Variants in CHN1 observed in about 807,000 individuals in gnomAD.
CHN1 encodes the protein chimerin 1.
CHN1 carries 37 observed loss-of-function variants against 59.5 expected under a neutral mutation model. The ratio of observed to expected loss-of-function variants is 0.62; its 90% confidence interval spans 0.48 to 0.82. The LOEUF is 0.82. Among genes scored for constraint, CHN1 ranks in the 40% least tolerant of loss-of-function variants. CHN1 has a pLI of 0.00. For synonymous variants in CHN1, 206 were observed against 200.4 expected, an observed-to-expected ratio of 1.03 and a Z score of -0.24; for missense variants, 469 against 571.0, an observed-to-expected ratio of 0.82 and a Z score of 1.82.
At chr2:174,887,894 T>C (rs1281921215) in intron 5 of CHN1, among the ~76,000 whole-genome samples, 3 of 152,216 alleles carry the variant, frequency 2.0e-5, no homozygotes, top group African/African-American at 7.2e-5. Flanking sequence ...GCCCAGTATA[T>C]GCCAACCACT....
At chr2:174,922,824 T>C (rs772931487) in intron 3 of CHN1, among the ~76,000 whole-genome samples, 6 of 152,174 alleles carry the variant, frequency 3.9e-5, no homozygotes, top group African/African-American at 9.7e-5. Context: ...TGTAGATCTA[T>C]TGAGACTAAC....
chr2:174,833,251 A>T (rs1299713274), intron 7 of CHN1, among the ~76,000 whole-genome samples: 1 of 152,126 alleles, frequency 6.6e-6, no homozygotes, highest in Non-Finnish European at 1.5e-5. Context: ...TGCACCTGTT[A>T]TTAGGTACAT....
intron 7 of CHN1, among the ~76,000 whole-genome samples, chr2:174,842,410 T>G (rs1686343415): frequency 2.0e-5 from 3 of 152,192 alleles, no homozygotes; most frequent in Admixed American, 2.0e-4. Context: ...CCATAGGAAC[T>G]TCAATAAAAT....
At chr2:174,918,107 A>G (rs1688902169) in intron 4 of CHN1, among the ~76,000 whole-genome samples, 1 of 152,070 alleles carries the variant, frequency 6.6e-6, no homozygotes, top group Admixed American at 6.6e-5. Context: ...GAATTATTAT[A>G]TTTTTCTCAT....
At chr2:174,854,695 G>T (rs1686842567) in intron 6 of CHN1, among the ~76,000 whole-genome samples, 1 of 152,164 alleles carries the variant, frequency 6.6e-6, no homozygotes, top group African/African-American at 2.4e-5. Context: ...GGAATCAAAT[G>T]AGATACTATG....
chr2:174,897,964 T>A (rs1191938696), intron 5 of CHN1, among the ~76,000 whole-genome samples: 1 of 152,182 alleles, frequency 6.6e-6, no homozygotes, highest in Non-Finnish European at 1.5e-5. Flanking sequence ...AATATCCATT[T>A]CTCTCTTTTT....
rs2600702 is a variant in CHN1, at chr2:174,873,252, T to C, written c.549+4588A>G. On this transcript the variant is annotated intron_variant, in intron 6 of 12. Transcript: ENST00000409900. Reference sequence around the variant, plus strand: ...ACATTGGAGACTTAGGCATGTAAACTTGGGGGAGAGCGAGAAGTGGATTTT... The same window carrying C: ...ACATTGGAGACTTAGGCATGTAAACCTGGGGGAGAGCGAGAAGTGGATTTT... Among the ~76,000 whole-genome samples, 566 of 152,128 alleles carry C rather than the reference T, an allele frequency of 3.7e-3. 5 individuals carry two copies. Among genetic ancestry groups the C allele is most frequent in the African/African-American group, 0.01 (427 of 41,500 alleles).
Position 174,799,885 on chromosome 2 carries a change from G to A in CHN1, c.*231C>T, listed in dbSNP as rs1684659868. The A allele has an allele frequency of 1.6e-6, 1 of 627,228 alleles. No individual in the cohort carries two copies. Among genetic ancestry groups the A allele is most frequent in the Admixed American group, 2.1e-5 (1 of 47,716 alleles). 38.9% of individuals were successfully genotyped at this position (627,228 alleles called of 1,614,324 possible). A position where few individuals can be genotyped will look rare whatever the true frequency, so the allele number is the denominator to read the frequency against. On this transcript the variant is annotated 3_prime_UTR_variant, in exon 13 of 13. Transcript: ENST00000409900. ...GGGGGCTAATCATGCAATAGCTTGA[G>A]TTTCTCTGAACGTGATAAACACCCA...
chr2:174,920,156 C>A (rs920266108), intron 3 of CHN1, among the ~76,000 whole-genome samples: 4 of 152,058 alleles, frequency 2.6e-5, no homozygotes, highest in African/African-American at 9.7e-5. Flanking sequence ...AACAGTATTC[C>A]ATTGTATACT....
intron 1 of CHN1, among the ~76,000 whole-genome samples, chr2:174,975,389 T>G (rs1019237821): frequency 1.3e-5 from 2 of 152,152 alleles, no homozygotes; most frequent in African/African-American, 4.8e-5. Context: ...GTTAGTACTT[T>G]GTCCTATTTG....
chr2:174,866,567 T>G (rs1470334004), intron 6 of CHN1, among the ~76,000 whole-genome samples: 1 of 152,200 alleles, frequency 6.6e-6, no homozygotes, highest in Non-Finnish European at 1.5e-5. Context: ...AATTCACTAT[T>G]CACATTGAAA....
chr2:174,971,644 G>C (rs191079695), intron 1 of CHN1, among the ~76,000 whole-genome samples: 2 of 152,188 alleles, frequency 1.3e-5, no homozygotes, highest in East Asian at 3.9e-4. Context: ...AATGTTATAA[G>C]GTATTATTAC....
intron 6 of CHN1, among the ~76,000 whole-genome samples, chr2:174,868,004 T>TA (rs967181490): frequency 3.9e-5 from 6 of 152,190 alleles, no homozygotes; most frequent in African/African-American, 1.4e-4. Context: ...GAAGACAGAC[T>TA]AAAAGGAAAC....
intron 6 of CHN1, among the ~76,000 whole-genome samples, chr2:174,868,355 C>G (rs1380331724): frequency 6.6e-6 from 1 of 151,972 alleles, no homozygotes; most frequent in Non-Finnish European, 1.5e-5. Context: ...CCCGGTGCTC[C>G]CAGCCTTAAG....
At chr2:174,997,695 C>T (rs1452726661) in intron 1 of CHN1, among the ~76,000 whole-genome samples, 2 of 152,110 alleles carry the variant, frequency 1.3e-5, no homozygotes, top group Non-Finnish European at 2.9e-5. Flanking sequence ...AGAGTAACTT[C>T]ACAGCCATTA....
intron 5 of CHN1, among the ~76,000 whole-genome samples, chr2:174,911,681 G>A (rs1474067569): frequency 2.0e-5 from 3 of 152,194 alleles, no homozygotes; most frequent in Non-Finnish European, 4.4e-5. Flanking sequence ...CAGAAAGTTG[G>A]TAGTGTGACA....
At chr2:174,893,316 A>G (rs1407758336) in intron 5 of CHN1, among the ~76,000 whole-genome samples, 1 of 152,208 alleles carries the variant, frequency 6.6e-6, no homozygotes, top group Non-Finnish European at 1.5e-5. Flanking sequence ...CTATATTTCT[A>G]TGTAGTAACA....
intron 5 of CHN1, among the ~76,000 whole-genome samples, chr2:174,885,303 TAG>T (rs370714896): frequency 2.9e-4 from 43 of 148,130 alleles, no homozygotes; most frequent in African/African-American, 7.7e-4. Flanking sequence ...TATATATATA[TAG>T]AGAGAGAGAA....
At chr2:174,853,847 A>G (rs1432859045) in intron 6 of CHN1, among the ~76,000 whole-genome samples, 2 of 152,204 alleles carry the variant, frequency 1.3e-5, no homozygotes, top group Admixed American at 1.3e-4. Flanking sequence ...AGGAACAGAA[A>G]CCCAAATAAT....
Sources: gnomAD v4.1 joint callset for allele counts (sites outside exome capture counted in the v4.1 genomes callset) on GRCh38, gnomAD v4.1.1 for gene constraint, MANE v1.5 for transcripts, NCBI Gene and HGNC (gene_info 2026-07-23, HGNC 2026-07-21) for gene names.